Variants in EFNA5 observed in about 807,000 individuals in gnomAD.
The protein encoded by EFNA5 is ephrin A5, also known as ephrin-A5.
EFNA5 carries 5 observed loss-of-function variants against 22.9 expected under a neutral mutation model. That is an observed-to-expected ratio of 0.22 (90% CI 0.11 to 0.46). EFNA5 has a LOEUF of 0.46. Ranked by LOEUF, EFNA5 falls within the 20% of genes least tolerant of loss-of-function variation. The pLI is 0.99. For missense variants in EFNA5, 237 were observed against 293.3 expected (o/e 0.81, Z 1.40); for synonymous variants, 113 against 112.2 (o/e 1.01, Z -0.04).
chr5:107,621,231 T>C (rs1750031681), intron 1 of EFNA5, among the ~76,000 whole-genome samples: 1 of 151,696 alleles, frequency 6.6e-6, no homozygotes, highest in Non-Finnish European at 1.5e-5. Context: ...GGGGCTGGAG[T>C]AAGAGAGGAC....
At chr5:107,437,492 C>T (rs1016817607) in intron 1 of EFNA5, among the ~76,000 whole-genome samples, 8 of 152,198 alleles carry the variant, frequency 5.3e-5, no homozygotes, top group Admixed American at 5.2e-4. Context: ...GTACTGAATT[C>T]ATCCAAAGTC....
At chr5:107,597,034 C>T (rs1454592318) in intron 1 of EFNA5, among the ~76,000 whole-genome samples, 1 of 152,102 alleles carries the variant, frequency 6.6e-6, no homozygotes, top group Non-Finnish European at 1.5e-5. Context: ...TACTTCCTCA[C>T]CTGTAAATTG....
At chr5:107,427,050 G>T in intron 2 of EFNA5, 167 bp downstream of exon 2, 1 of 706,322 alleles carries the variant, frequency 1.4e-6, no homozygotes, top group Non-Finnish European at 2.4e-6. Flanking sequence ...AATCTAATTT[G>T]TGCTCTCAAT....
At chr5:107,457,568 T>G (rs550196918) in intron 1 of EFNA5, among the ~76,000 whole-genome samples, 1 of 152,290 alleles carries the variant, frequency 6.6e-6, no homozygotes, top group South Asian at 2.1e-4. Flanking sequence ...ACATGCTCAG[T>G]ACAGACACTT....
intron 1 of EFNA5, among the ~76,000 whole-genome samples, chr5:107,590,449 G>A (rs1749295695): frequency 6.6e-6 from 1 of 151,940 alleles, no homozygotes. Context: ...GAGTGCCGTG[G>A]AATGGTCACA....
At chr5:107,641,146 T>A (rs1028924042) in intron 1 of EFNA5, among the ~76,000 whole-genome samples, 4 of 152,012 alleles carry the variant, frequency 2.6e-5, no homozygotes, top group African/African-American at 9.7e-5. Flanking sequence ...TTGCTTGAGG[T>A]CAGGAGTTCG....
Position 107,427,455 on chromosome 5 carries a change from A to T in EFNA5, c.180T>A (p.Val60=). 1.9e-6 allele frequency: 3 copies of T among 1,614,088 alleles called. No homozygotes were observed. The highest frequency in any genetic ancestry group is 1.7e-6 in the Non-Finnish European group (2 of 1,180,006). Residue 60 remains valine, a synonymous_variant, in exon 2 of 5, where the codon GTT becomes GTA. Coordinates refer to ENST00000333274, the MANE Select transcript of EFNA5 (RefSeq NM_001962.3). ...IDVCINDYLD[V]FCPHYEDSVP... Reference sequence around the variant, plus strand: ...CGGAGTCCTCATAGTGAGGGCAGAAAACATCCAGGTAGTCATTGATACAGA... The same window carrying T: ...CGGAGTCCTCATAGTGAGGGCAGAATACATCCAGGTAGTCATTGATACAGA...
chr5:107,456,936 G>A (rs1438088593), intron 1 of EFNA5, among the ~76,000 whole-genome samples: 1 of 152,102 alleles, frequency 6.6e-6, no homozygotes, highest in Non-Finnish European at 1.5e-5. Flanking sequence ...TAGCACAGTT[G>A]TTCTGCTAGT....
intron 1 of EFNA5, among the ~76,000 whole-genome samples, chr5:107,478,300 T>C (rs1263134151): frequency 6.6e-6 from 1 of 152,236 alleles, no homozygotes; most frequent in Non-Finnish European, 1.5e-5. Context: ...CTCAGCATTA[T>C]TCAGGAATGT....
rs200073382 is a variant in EFNA5 at position 107,660,840 on chromosome 5, C to T, written c.125+9649G>A. 1.8e-4 allele frequency among the ~76,000 whole-genome samples: 28 copies of T among 152,224 alleles called. No homozygotes were observed. In the East Asian group the frequency reaches 4.8e-3, roughly 26 times the overall value. ...CCCCATTATTTTCTCTAGTTTGACA[C>T]AAAACCCTGTCAGAAGCACCACTAT... On this transcript the variant is annotated intron_variant, in intron 1 of 4. Transcript: ENST00000333274.
chr5:107,604,582 G>C (rs1242325436), intron 1 of EFNA5, among the ~76,000 whole-genome samples: 1 of 152,102 alleles, frequency 6.6e-6, no homozygotes, highest in Non-Finnish European at 1.5e-5. Flanking sequence ...ATGGAGACAT[G>C]AGTAACACAT....
chr5:107,491,393 C>T (rs1561410356), intron 1 of EFNA5, among the ~76,000 whole-genome samples: 1 of 152,216 alleles, frequency 6.6e-6, no homozygotes, highest in Admixed American at 6.5e-5. Flanking sequence ...CTCACCACAA[C>T]CTCTGCCTCC....
At chr5:107,491,743 G>A (rs1466514830) in intron 1 of EFNA5, among the ~76,000 whole-genome samples, 1 of 152,132 alleles carries the variant, frequency 6.6e-6, no homozygotes, top group Non-Finnish European at 1.5e-5. Flanking sequence ...AAATAGGAGT[G>A]GGAAGAAGAC....
intron 1 of EFNA5, among the ~76,000 whole-genome samples, chr5:107,509,662 A>G (rs1747324879): frequency 6.6e-6 from 1 of 152,020 alleles, no homozygotes; most frequent in Non-Finnish European, 1.5e-5. Flanking sequence ...CCCCTTAAAA[A>G]TATACTCATA....
At chr5:107,467,673 T>C (rs968923990) in intron 1 of EFNA5, among the ~76,000 whole-genome samples, 2 of 152,190 alleles carry the variant, frequency 1.3e-5, no homozygotes, top group African/African-American at 2.4e-5. Flanking sequence ...CAGCTTTACC[T>C]TTGGGCTTTA....
intron 2 of EFNA5, among the ~76,000 whole-genome samples, chr5:107,423,891 T>G (rs1748737818): frequency 6.6e-6 from 1 of 152,236 alleles, no homozygotes; most frequent in African/African-American, 2.4e-5. Context: ...ATTTTTAAAG[T>G]AAATTGGAAA....
chr5:107,468,594 AC>A (rs1341900532), intron 1 of EFNA5, among the ~76,000 whole-genome samples: 2 of 152,174 alleles, frequency 1.3e-5, no homozygotes, highest in African/African-American at 4.8e-5. Flanking sequence ...AAAGAATCAC[AC>A]CCTTAGAAAT....
chr5:107,454,491 C>T (rs1323672906), intron 1 of EFNA5, among the ~76,000 whole-genome samples: 2 of 152,084 alleles, frequency 1.3e-5, no homozygotes, highest in African/African-American at 4.8e-5. Context: ...ACCAGTCTCT[C>T]AGTTTTGTGC....
intron 1 of EFNA5, among the ~76,000 whole-genome samples, chr5:107,626,623 T>C (rs1750146831): frequency 6.6e-6 from 1 of 152,164 alleles, no homozygotes; most frequent in Non-Finnish European, 1.5e-5. Flanking sequence ...ATGTATGCTG[T>C]GGACAGAAGC....
Sources: gnomAD v4.1 joint callset for allele counts (sites outside exome capture counted in the v4.1 genomes callset) on GRCh38, gnomAD v4.1.1 for gene constraint, MANE v1.5 for transcripts, NCBI Gene and HGNC (gene_info 2026-07-23, HGNC 2026-07-21) for gene names.